SIRPG: variants seen among roughly 807,000 people sequenced by gnomAD.
SIRPG encodes the protein signal-regulatory protein gamma.
SIRPG carries 38 observed loss-of-function variants against 35.7 expected under a neutral mutation model. The ratio of observed to expected loss-of-function variants is 1.06; its 90% CI spans 0.82 to 1.40. The LOEUF (loss-of-function observed/expected upper bound fraction) is 1.40. SIRPG is among the 40% of genes most tolerant of loss of function. The pLI, the probability that SIRPG is intolerant of heterozygous loss-of-function variation, is 0.00. For missense variants in SIRPG, 519 were observed against 483.0 expected, an observed-to-expected ratio of 1.07 and a Z score of -0.70; for synonymous variants, 215 against 190.4, an observed-to-expected ratio of 1.13 and a Z score of -1.06.
At chr20:1,650,876 C>T (rs2091936225) in intron 1 of SIRPG, among the ~76,000 whole-genome samples, 1 of 152,172 alleles carries the variant, frequency 6.6e-6, no homozygotes, top group Admixed American at 6.5e-5. Flanking sequence ...GAAACGATTC[C>T]TCACATACAA....
intron 2 of SIRPG, chr20:1,647,990 C>T (rs999232643): frequency 6.6e-6 from 1 of 152,328 alleles, no homozygotes; most frequent in Middle Eastern, 3.4e-3. Context: ...CTATTCGGAC[C>T]TTGACTCTGG....
chr20:1,662,672 T>A (rs914416509), upstream of SIRPG, among the ~76,000 whole-genome samples: 3 of 152,226 alleles, frequency 2.0e-5, no homozygotes, highest in African/African-American at 7.2e-5. Flanking sequence ...ATTATGAGGA[T>A]CACAGAACAA....
intron 2 of SIRPG, among the ~76,000 whole-genome samples, chr20:1,643,289 T>C (rs2091869923): frequency 6.6e-6 from 1 of 152,168 alleles, no homozygotes. Context: ...TTTTTTAAAA[T>C]CTTGTCCGCA....
intron 2 of SIRPG, among the ~76,000 whole-genome samples, chr20:1,645,820 A>C (rs375511834): frequency 6.6e-6 from 1 of 152,126 alleles, no homozygotes; most frequent in Non-Finnish European, 1.5e-5. Context: ...CACCTCCACC[A>C]TTAGAGGCTC....
chr20:1,632,485 C>A (rs2091759260), intron 4 of SIRPG, among the ~76,000 whole-genome samples: 1 of 152,166 alleles, frequency 6.6e-6, no homozygotes, highest in Non-Finnish European at 1.5e-5. Context: ...AGCAAAGATG[C>A]TACATCTGGC....
chr20:1,672,018 A>G, the SIRPG span, among the ~76,000 whole-genome samples: 100,824 of 152,048 alleles, frequency 0.66, 34,071 homozygotes, highest in East Asian at 0.86. Flanking sequence ...TAGGGGGCCT[A>G]TTCCCAACAA....
At chr20:1,673,226 C>G in the SIRPG span, among the ~76,000 whole-genome samples, 2 of 152,148 alleles carry the variant, frequency 1.3e-5, no homozygotes, top group Admixed American at 6.5e-5. Context: ...GCGACCCTAA[C>G]GGGATGAGAG....
the SIRPG span, among the ~76,000 whole-genome samples, chr20:1,674,156 C>G: frequency 1.3e-5 from 2 of 152,164 alleles, no homozygotes; most frequent in Non-Finnish European, 2.9e-5. Flanking sequence ...CATGCCCAGG[C>G]TCATGTCAGA....
chr20:1,630,368 C>T (rs953749025), intron 4 of SIRPG, 62 bp from the exon 5 acceptor site: 1 of 1,304,518 alleles, frequency 7.7e-7, no homozygotes, highest in Non-Finnish European at 1.1e-6. Context: ...TTGTAGGGGC[C>T]TCCACTTACC....
At chr20:1,659,568 C>A (rs1242584938), upstream of SIRPG, among the ~76,000 whole-genome samples, 1 of 152,184 alleles carries the variant, frequency 6.6e-6, no homozygotes, top group Non-Finnish European at 1.5e-5. Flanking sequence ...TTGGTAATGT[C>A]ATTAAATCAT....
At chr20:1,649,592 C>T (rs995863006) in intron 1 of SIRPG, among the ~76,000 whole-genome samples, 184 bp from the exon 2 acceptor site, 13 of 143,298 alleles carry the variant, frequency 9.1e-5, no homozygotes, top group African/African-American at 3.3e-4. Flanking sequence ...GACTGTATTA[C>T]AATTGAGGGC....
chr20:1,649,629 C>CTTT (rs35561366), intron 1 of SIRPG, among the ~76,000 whole-genome samples: 953 of 75,746 alleles, frequency 0.013, 32 homozygotes, highest in African/African-American at 0.024. Flanking sequence ...CAGAGAGGTT[C>CTTT]TTTTTTTTTT....
At chr20:1,636,641 T>C (rs1369050090) in intron 2 of SIRPG, 136 bp from the exon 3 acceptor site, 3 of 1,067,548 alleles carry the variant, frequency 2.8e-6, no homozygotes, top group African/African-American at 3.2e-5. Flanking sequence ...GGTGTTCTTA[T>C]TCTCATTTTA....
At chr20:1,633,083 C>G (rs1411087763) in intron 4 of SIRPG, among the ~76,000 whole-genome samples, 1 of 152,028 alleles carries the variant, frequency 6.6e-6, no homozygotes, top group Non-Finnish European at 1.5e-5. Flanking sequence ...ACCCTTCAGA[C>G]ACCAAAAAGA....
At chr20:1,663,117 T>A in the SIRPG span, among the ~76,000 whole-genome samples, 3 of 151,856 alleles carry the variant, frequency 2.0e-5, no homozygotes, top group Admixed American at 6.6e-5. Flanking sequence ...ATCGAGACCA[T>A]CCTGGCTACC....
At chr20:1,634,749 A>G (rs917226205) in intron 4 of SIRPG, among the ~76,000 whole-genome samples, 8 of 152,116 alleles carry the variant, frequency 5.3e-5, no homozygotes, top group African/African-American at 1.9e-4. Context: ...CTCCTTAAAT[A>G]TATATTTATG....
the SIRPG span, among the ~76,000 whole-genome samples, chr20:1,663,406 A>G: frequency 6.6e-6 from 1 of 152,190 alleles, no homozygotes; most frequent in East Asian, 1.9e-4. Flanking sequence ...ACTGATTGGG[A>G]CCAGGAAGGA....
the SIRPG span, among the ~76,000 whole-genome samples, chr20:1,668,199 TTTTCTTTCTTTCTTTC>T: frequency 1.4e-3 from 92 of 67,442 alleles, no homozygotes; most frequent in East Asian, 4.1e-3. Context: ...TTTTCTTTTC[TTTTCTTTCTTTCTTTC>T]TTTCTTTCTT....
upstream of SIRPG, chr20:1,657,860 T>TTGTG (rs2091984796): frequency 8.8e-6 from 6 of 678,464 alleles, no homozygotes; most frequent in South Asian, 1.3e-4. Flanking sequence ...TGCTTCTAGA[T>TTGTG]TGTGACTTAC....
Sources: gnomAD v4.1 joint callset for allele counts (sites outside exome capture counted in the v4.1 genomes callset) on GRCh38, gnomAD v4.1.1 for gene constraint, MANE v1.5 for transcripts, NCBI Gene and HGNC (gene_info 2026-07-23, HGNC 2026-07-21) for gene names.